Variants in LAPTM4B observed in about 807,000 individuals in gnomAD.
LAPTM4B encodes the protein lysosomal-associated transmembrane protein 4B.
In LAPTM4B, 26 loss-of-function variants were observed where a neutral mutation model predicts 28.5. That is an observed-to-expected ratio of 0.91 (90% CI 0.67 to 1.27). LAPTM4B has a LOEUF of 1.27. Among genes scored for constraint, LAPTM4B ranks in the 50% most tolerant of loss-of-function variants. LAPTM4B has a pLI of 0.00. For synonymous variants in LAPTM4B, 109 were observed against 106.4 expected, an observed-to-expected ratio of 1.02 and a Z score of -0.15; for missense variants, 288 against 285.8, an observed-to-expected ratio of 1.01 and a Z score of -0.06.
At position 97,852,116 on chromosome 8, in the gene LAPTM4B, T is replaced by C. The variant is rs1399556989; in HGVS notation, c.*642T>C. 6.5e-6 allele frequency: 1 copy of C among 153,134 alleles called. No homozygotes were observed. Among genetic ancestry groups the C allele is most frequent in the Non-Finnish European group, 1.5e-5 (1 of 68,766 alleles). The allele number at this position is 153,134 out of a possible 1,614,324, so 9.5% of individuals were successfully genotyped here. A position where few individuals can be genotyped will look rare whatever the true frequency, so the allele number is the denominator to read the frequency against. On this transcript the variant is annotated 3_prime_UTR_variant, in exon 7 of 7. Transcript: ENST00000521545. ...ATCTGCTGACTGTTCTTGTGGATCTTGTGTCCAGGGACATGGGGTGACATG... is the reference window on the plus strand; with the variant it reads ...ATCTGCTGACTGTTCTTGTGGATCTCGTGTCCAGGGACATGGGGTGACATG...
chr8:97,782,014 C>T (rs1436219444), intron 1 of LAPTM4B, among the ~76,000 whole-genome samples: 1 of 147,218 alleles, frequency 6.8e-6, no homozygotes, highest in Non-Finnish European at 1.5e-5. Flanking sequence ...GAGTTTAGCT[C>T]TTGTTGCCCA....
intron 6 of LAPTM4B, among the ~76,000 whole-genome samples, chr8:97,828,976 G>T (rs1166447550): frequency 6.6e-6 from 1 of 152,168 alleles, no homozygotes; most frequent in Non-Finnish European, 1.5e-5. Flanking sequence ...TAAAGTGCAG[G>T]TGCCTGTCCG....
intron 6 of LAPTM4B, among the ~76,000 whole-genome samples, chr8:97,830,884 G>A (rs1049633581): frequency 2.6e-5 from 4 of 152,162 alleles, no homozygotes; most frequent in Non-Finnish European, 5.9e-5. Context: ...TGTCTAGCTT[G>A]TTGAAGGACT....
chr8:97,784,480 C>T (rs975389476), intron 1 of LAPTM4B, among the ~76,000 whole-genome samples: 2 of 152,188 alleles, frequency 1.3e-5, no homozygotes, highest in Non-Finnish European at 2.9e-5. Context: ...CGCTCTGTCA[C>T]CCAGGCTGGA....
At chr8:97,788,293 G>A in intron 1 of LAPTM4B, 1 of 384,532 alleles carries the variant, frequency 2.6e-6, no homozygotes, top group Non-Finnish European at 5.2e-6. Context: ...AATCCACTGG[G>A]GAATGGGACA....
chr8:97,824,702 C>T lies in LAPTM4B; in HGVS notation c.508-356C>T, dbSNP rs888556163. On this transcript the variant is annotated intron_variant, in intron 5 of 6. Transcript: ENST00000521545. ...GTGGCAATAAATGAGTTAATACATTCGATTGTTCTGTGAATTCAGGAGCGA... is the reference window on the plus strand; with the variant it reads ...GTGGCAATAAATGAGTTAATACATTTGATTGTTCTGTGAATTCAGGAGCGA... 6.6e-5 allele frequency among the ~76,000 whole-genome samples: 10 copies of T among 152,240 alleles called. 1 individual carries two copies. Among genetic ancestry groups the T allele is most frequent in the Admixed American group, 6.5e-4 (10 of 15,300 alleles).
chr8:97,790,039 A>G (rs1308701865), intron 1 of LAPTM4B, among the ~76,000 whole-genome samples: 1 of 152,198 alleles, frequency 6.6e-6, no homozygotes, highest in African/African-American at 2.4e-5. Context: ...GTTGTTGCAA[A>G]TGACAAGATC....
In LAPTM4B at chr8:97,841,794, G is replaced by A. The variant is rs73274233; in HGVS notation, c.604-9603G>A. ...TCACATCAAAACAGGCAAATGTGGC[G>A]TGACCAATTTAAGATAAATATTTGA... On this transcript the variant is annotated intron_variant, in intron 6 of 6. Coordinates refer to ENST00000521545, the MANE Select transcript of LAPTM4B (RefSeq NM_018407.6). Among the ~76,000 whole-genome samples, 1,108 of 152,140 alleles carry A rather than the reference G, an allele frequency of 7.3e-3. 16 individuals carry two copies. The highest frequency in any genetic ancestry group is 0.025 in the African/African-American group (1,029 of 41,410).
intron 1 of LAPTM4B, among the ~76,000 whole-genome samples, chr8:97,777,170 A>G (rs1816234799): frequency 1.1e-5 from 1 of 88,172 alleles, no homozygotes; most frequent in Admixed American, 1.3e-4. Flanking sequence ...TTTTTGAGAC[A>G]GAGTCTCACT....
intron 5 of LAPTM4B, 135 bp downstream of exon 5, chr8:97,819,373 A>C: frequency 1.7e-6 from 1 of 601,122 alleles, no homozygotes. Context: ...TAAGATTACA[A>C]TTCTTTATGC....
At chr8:97,840,811 C>A (rs909441092) in intron 6 of LAPTM4B, among the ~76,000 whole-genome samples, 1 of 140,428 alleles carries the variant, frequency 7.1e-6, no homozygotes, top group African/African-American at 3.0e-5. Flanking sequence ...CGGGCAGAGG[C>A]GCTCCTCACT....
intron 5 of LAPTM4B, among the ~76,000 whole-genome samples, chr8:97,819,617 A>T (rs1284912324): frequency 7.6e-6 from 1 of 131,408 alleles, no homozygotes; most frequent in African/African-American, 2.5e-5. Flanking sequence ...ATTATTTAAT[A>T]AATTACTTGA....
At chr8:97,832,822 G>A (rs2449530) in intron 6 of LAPTM4B, among the ~76,000 whole-genome samples, 69,881 of 148,718 alleles carry the variant, frequency 0.47, 16,682 homozygotes, top group East Asian at 0.58. Flanking sequence ...TTCTCCTGCC[G>A]CAGCCTTCTG....
chr8:97,817,272 T>C (rs948493799), intron 4 of LAPTM4B, among the ~76,000 whole-genome samples: 43 of 151,766 alleles, frequency 2.8e-4, no homozygotes, highest in African/African-American at 9.9e-4. Context: ...GCTGGCACTA[T>C]AGGCATGCAC....
rs140364298 is a variant in LAPTM4B, at chr8:97,836,462, C to T, written c.603+11309C>T. Among the ~76,000 whole-genome samples the T allele has an allele frequency of 1.7e-4, 26 of 152,136 alleles. No homozygotes were observed. In the East Asian group the frequency reaches 3.1e-3, roughly 18 times the overall value. Reference sequence around the variant, plus strand: ...TCCCAAAGTGCTGGGATTACAGGCGCGAGCTACTGTGCCCGGCCATAAATT... The same window carrying T: ...TCCCAAAGTGCTGGGATTACAGGCGTGAGCTACTGTGCCCGGCCATAAATT... On this transcript the variant is annotated intron_variant, in intron 6 of 6. Coordinates refer to ENST00000521545, the MANE Select transcript of LAPTM4B (RefSeq NM_018407.6).
intron 6 of LAPTM4B, among the ~76,000 whole-genome samples, chr8:97,840,391 A>G (rs1000729622): frequency 1.3e-5 from 2 of 152,232 alleles, no homozygotes; most frequent in African/African-American, 4.8e-5. Flanking sequence ...CCCTCCTATT[A>G]TGAAGTGAAG....
chr8:97,777,632 C>A (rs1355094371), intron 1 of LAPTM4B, among the ~76,000 whole-genome samples: 2 of 152,148 alleles, frequency 1.3e-5, no homozygotes, highest in African/African-American at 4.8e-5. Context: ...TTCAAGTTTC[C>A]TTTAGTCAGT....
chr8:97,795,810 C>T (rs1222605560), intron 1 of LAPTM4B, among the ~76,000 whole-genome samples: 1 of 146,816 alleles, frequency 6.8e-6, no homozygotes, highest in African/African-American at 2.5e-5. Context: ...GCACTCCAGC[C>T]TCAGCGACAA....
intron 2 of LAPTM4B, among the ~76,000 whole-genome samples, chr8:97,814,768 A>AG (rs1816879510): frequency 2.1e-5 from 1 of 46,668 alleles, no homozygotes; most frequent in Admixed American, 2.0e-4. Context: ...ATCTCGGCTC[A>AG]CTGCAAGCTC....
Sources: allele counts gnomAD v4.1 joint callset (sites outside exome capture counted in the v4.1 genomes callset), GRCh38; gene constraint gnomAD v4.1.1; transcripts MANE v1.5; gene names NCBI Gene and HGNC (gene_info 2026-07-23, HGNC 2026-07-21).